DAB1: variants seen among roughly 807,000 people sequenced by gnomAD.
DAB1 encodes DAB adaptor protein 1.
Under a neutral mutation model 64.6 loss-of-function variants are expected in DAB1, and 15 were observed. That is an observed-to-expected ratio of 0.23 (90% CI 0.16 to 0.36). The LOEUF (loss-of-function observed/expected upper bound fraction) is 0.36, where lower values mean the gene tolerates loss of function less well. DAB1 is among the 10% of genes least tolerant of loss of function. The pLI, the probability that DAB1 is intolerant of heterozygous loss-of-function variation, is 1.00. For missense variants in DAB1, 596 were observed against 706.7 expected (o/e 0.84, Z 1.78); for synonymous variants, 235 against 251.9 (o/e 0.93, Z 0.64).
chr1:57,558,983 T>C (rs1645020866), intron 7 of DAB1, among the ~76,000 whole-genome samples: 1 of 152,200 alleles, frequency 6.6e-6, no homozygotes. Flanking sequence ...CTTCTCCATA[T>C]GTCGGGTCTA....
chr1:58,245,789 T>G (rs1279245443), intron 4 of DAB1, among the ~76,000 whole-genome samples: 1 of 152,230 alleles, frequency 6.6e-6, no homozygotes, highest in Admixed American at 6.5e-5. Flanking sequence ...CAACTAGTAT[T>G]CGTGTTCTAC....
chr1:57,544,179 G>A (rs1321924237), intron 7 of DAB1, among the ~76,000 whole-genome samples: 1 of 152,152 alleles, frequency 6.6e-6, no homozygotes, highest in Non-Finnish European at 1.5e-5. Context: ...CAATGCATGA[G>A]AATATGCATT....
At chr1:57,743,575 G>A (rs973546768) in intron 6 of DAB1, among the ~76,000 whole-genome samples, 3 of 152,188 alleles carry the variant, frequency 2.0e-5, no homozygotes, top group Non-Finnish European at 4.4e-5. Context: ...TACCTTGACC[G>A]AGGTCATCCA....
intron 2 of DAB1, among the ~76,000 whole-genome samples, chr1:58,508,976 C>A (rs1646031664): frequency 1.3e-5 from 2 of 151,978 alleles, no homozygotes; most frequent in African/African-American, 4.8e-5. Context: ...CCAGACAGGA[C>A]CCTAGACACC....
rs1250201690 is a variant in DAB1, at chr1:56,994,920, T to C, written c.*3224A>G. 6.6e-6 allele frequency: 1 copy of C among 152,226 alleles called. No individual in the cohort carries two copies. Among genetic ancestry groups the C allele is most frequent in the Non-Finnish European group, 1.5e-5 (1 of 68,058 alleles). 9.4% of individuals were successfully genotyped at this position (152,226 alleles called of 1,614,324 possible). On this transcript the variant is annotated 3_prime_UTR_variant, in exon 15 of 15. Transcript: ENST00000371236. ...AATGTGTCCATATATGTTAACAAAC[T>C]GTCATCTGAGGTAAAGTTAAAGTAG...
At chr1:58,426,978 C>T (rs144004331) in intron 3 of DAB1, among the ~76,000 whole-genome samples, 2 of 152,140 alleles carry the variant, frequency 1.3e-5, no homozygotes, top group Non-Finnish European at 1.5e-5. Context: ...GAGGTGAGGG[C>T]ATATTCACCT....
chr1:58,046,142 T>C (rs1647246710), intron 5 of DAB1, among the ~76,000 whole-genome samples: 1 of 152,212 alleles, frequency 6.6e-6, no homozygotes, highest in Non-Finnish European at 1.5e-5. Context: ...TGTAAAGTCC[T>C]GTGGTAGATA....
intron 6 of DAB1, among the ~76,000 whole-genome samples, chr1:57,715,212 T>C (rs1647070857): frequency 6.6e-6 from 1 of 152,240 alleles, no homozygotes; most frequent in South Asian, 2.1e-4. Flanking sequence ...GAAAAAGCAT[T>C]TGGTAGAATT....
intron 4 of DAB1, among the ~76,000 whole-genome samples, chr1:57,111,042 A>G (rs1159133563): frequency 6.6e-6 from 1 of 152,150 alleles, no homozygotes; most frequent in Non-Finnish European, 1.5e-5. Context: ...AAGAGTGCAG[A>G]TAAAGGGAGT....
chr1:58,037,027 T>A (rs114499247), intron 5 of DAB1, among the ~76,000 whole-genome samples: 1,726 of 152,158 alleles, frequency 0.011, 33 homozygotes, highest in African/African-American at 0.039. Flanking sequence ...CCCACTAGAA[T>A]GAAGACCCTA....
intron 6 of DAB1, among the ~76,000 whole-genome samples, chr1:57,685,595 C>A (rs892477335): frequency 6.6e-6 from 1 of 152,062 alleles, no homozygotes; most frequent in Admixed American, 6.6e-5. Context: ...ACCTAACAAC[C>A]AAAGAATATA....
intron 5 of DAB1, among the ~76,000 whole-genome samples, chr1:57,950,428 C>T (rs1475791735): frequency 6.6e-6 from 1 of 152,162 alleles, no homozygotes; most frequent in Non-Finnish European, 1.5e-5. Flanking sequence ...TGATCACTAG[C>T]ACTGCTTTCT....
chr1:57,788,991 C>T (rs1261864683), intron 6 of DAB1, among the ~76,000 whole-genome samples: 1 of 152,146 alleles, frequency 6.6e-6, no homozygotes, highest in Non-Finnish European at 1.5e-5. Flanking sequence ...GCATTACCAA[C>T]TCCCCCCACC....
intron 5 of DAB1, among the ~76,000 whole-genome samples, chr1:58,050,470 TTAATC>T (rs1647569174): frequency 6.6e-6 from 1 of 152,192 alleles, no homozygotes; most frequent in Non-Finnish European, 1.5e-5. Context: ...GAATTAATCA[TTAATC>T]TAAGGAATAT....
chr1:58,196,898 C>T (rs974168723), intron 4 of DAB1, among the ~76,000 whole-genome samples: 1 of 152,210 alleles, frequency 6.6e-6, no homozygotes, highest in African/African-American at 2.4e-5. Flanking sequence ...TGGCAAAGAA[C>T]ATTCCTTTTC....
chr1:57,298,638 A>T (rs1673391341), intron 1 of DAB1, among the ~76,000 whole-genome samples: 1 of 152,110 alleles, frequency 6.6e-6, no homozygotes, highest in Non-Finnish European at 1.5e-5. Flanking sequence ...ACCCCACGTT[A>T]TGAAAAAAAA....
intron 7 of DAB1, among the ~76,000 whole-genome samples, chr1:57,627,949 C>T (rs1645943063): frequency 6.6e-6 from 1 of 152,166 alleles, no homozygotes; most frequent in African/African-American, 2.4e-5. Flanking sequence ...GCAGAAGATG[C>T]CAAGTGCTTA....
intron 1 of DAB1, among the ~76,000 whole-genome samples, chr1:57,349,116 A>C (rs376124681): frequency 4.9e-4 from 75 of 152,298 alleles, no homozygotes; most frequent in African/African-American, 1.8e-3. Context: ...ATAGCTCCTG[A>C]CTTTCTAAAA....
At chr1:58,410,001 C>T (rs1644651452) in intron 3 of DAB1, among the ~76,000 whole-genome samples, 2 of 152,216 alleles carry the variant, frequency 1.3e-5, no homozygotes, top group South Asian at 4.1e-4. Flanking sequence ...CCCCACACAC[C>T]ACCTCCATCC....
Sources: gnomAD v4.1 joint callset for allele counts (sites outside exome capture counted in the v4.1 genomes callset) on GRCh38, gnomAD v4.1.1 for gene constraint, MANE v1.5 for transcripts, NCBI Gene and HGNC (gene_info 2026-07-23, HGNC 2026-07-21) for gene names.